CDYL: variants seen among roughly 807,000 people sequenced by gnomAD.
CDYL encodes the protein chromodomain Y-like protein.
In CDYL, 8 loss-of-function variants were observed where a neutral mutation model predicts 47.3. The ratio of observed to expected loss-of-function variants is 0.17; its 90% CI spans 0.10 to 0.31. The LOEUF (loss-of-function observed/expected upper bound fraction) is 0.31. Among genes scored for constraint, CDYL ranks in the 10% least tolerant of loss-of-function variants. The probability of loss-of-function intolerance (pLI) is 1.00; values close to 1 mark genes in which losing one functional copy is unlikely to be tolerated. For synonymous variants in CDYL, 266 were observed against 265.0 expected, an observed-to-expected ratio of 1.00 and a Z score of -0.04; for missense variants, 471 against 701.4, an observed-to-expected ratio of 0.67 and a Z score of 3.71.
chr6:4,844,721 C>T (rs1241266745), intron 1 of CDYL, among the ~76,000 whole-genome samples: 2 of 151,924 alleles, frequency 1.3e-5, no homozygotes, highest in Non-Finnish European at 2.9e-5. Context: ...TGTAAGCCAT[C>T]ATTTTATTAT....
At chr6:4,913,752 C>T (rs969793698) in intron 2 of CDYL, among the ~76,000 whole-genome samples, 6 of 152,222 alleles carry the variant, frequency 3.9e-5, no homozygotes, top group African/African-American at 1.2e-4. Context: ...TGAGGCCAGA[C>T]GGTCTCTACT....
chr6:4,831,045 A>G (rs1760127466), intron 1 of CDYL, among the ~76,000 whole-genome samples: 1 of 152,038 alleles, frequency 6.6e-6, no homozygotes, highest in Admixed American at 6.5e-5. Flanking sequence ...GCTATTGTGA[A>G]TAGTGCCGCA....
intron 2 of CDYL, chr6:4,734,636 G>A (rs1270895421): frequency 9.3e-6 from 12 of 1,290,362 alleles, no homozygotes; most frequent in African/African-American, 3.2e-5. Context: ...TGTTCAGTTA[G>A]ACTCCTAATT....
chr6:4,776,914 T>G, intron 1 of CDYL, 107 bp downstream of exon 1: 5 of 329,862 alleles, frequency 1.5e-5, no homozygotes, highest in East Asian at 2.1e-4. Context: ...CCGCGTCCCC[T>G]CCCCCGCCGC....
chr6:4,843,856 A>G (rs1300470938), intron 1 of CDYL, among the ~76,000 whole-genome samples: 4 of 152,132 alleles, frequency 2.6e-5, no homozygotes, highest in South Asian at 4.2e-4. Flanking sequence ...TTTTGAATCC[A>G]TTGCTGTTGA....
chr6:4,787,733 G>A (rs111289148), intron 1 of CDYL, among the ~76,000 whole-genome samples: 3,885 of 151,130 alleles, frequency 0.026, 84 homozygotes, highest in Non-Finnish European at 0.039. Context: ...CATGCAGGTG[G>A]AGGTGCGGAC....
intron 3 of CDYL, among the ~76,000 whole-genome samples, chr6:4,756,115 C>T (rs1335589462): frequency 6.6e-6 from 1 of 152,086 alleles, no homozygotes; most frequent in African/African-American, 2.4e-5. Context: ...AAATCTCTGC[C>T]CTCTCTTTCT....
At chr6:4,826,272 G>A (rs373615844) in intron 1 of CDYL, among the ~76,000 whole-genome samples, 1 of 151,848 alleles carries the variant, frequency 6.6e-6, no homozygotes, top group South Asian at 2.1e-4. Context: ...TCCAGCTAAT[G>A]GTTTCTCAAT....
At chr6:4,929,400 A>C (rs879688671) in intron 2 of CDYL, among the ~76,000 whole-genome samples, 84 of 144,600 alleles carry the variant, frequency 5.8e-4, no homozygotes, top group Non-Finnish European at 4.1e-4. Context: ...TATTTATCAT[A>C]GTTAGTATTT....
intron 3 of CDYL, among the ~76,000 whole-genome samples, chr6:4,738,079 A>C (rs1231688662): frequency 6.6e-6 from 1 of 152,222 alleles, no homozygotes; most frequent in African/African-American, 2.4e-5. Flanking sequence ...TAATTCACAG[A>C]AGAAACTGCT....
chr6:4,899,049 G>A (rs1048489204), intron 2 of CDYL, among the ~76,000 whole-genome samples: 8 of 152,158 alleles, frequency 5.3e-5, no homozygotes, highest in African/African-American at 1.9e-4. Context: ...TACAGCCCTA[G>A]CCTTTTTGAT....
At chr6:4,894,881 ATGTGTGTGTATATATACACACGTACG>A (rs1762157578) in intron 2 of CDYL, among the ~76,000 whole-genome samples, 2 of 140,408 alleles carry the variant, frequency 1.4e-5, no homozygotes, top group African/African-American at 6.1e-5. Flanking sequence ...ACACATGTGT[ATGTGTGTGTATATATACACACGTACG>A]TGTGTATATA....
chr6:4,921,406 C>T (rs1757713567), intron 2 of CDYL, among the ~76,000 whole-genome samples: 5 of 152,160 alleles, frequency 3.3e-5, no homozygotes, highest in East Asian at 1.9e-4. Flanking sequence ...GACTCTAGTT[C>T]GAAGTCCTTA....
intron 1 of CDYL, among the ~76,000 whole-genome samples, chr6:4,843,957 A>G (rs1409800330): frequency 6.6e-6 from 1 of 152,134 alleles, no homozygotes; most frequent in Non-Finnish European, 1.5e-5. Context: ...TGGGTATACT[A>G]TGTCAGAGGG....
intron 3 of CDYL, among the ~76,000 whole-genome samples, chr6:4,754,159 G>A (rs561965957): frequency 6.6e-6 from 1 of 152,204 alleles, no homozygotes; most frequent in East Asian, 1.9e-4. Flanking sequence ...AATCAATTTT[G>A]ATTACTTCAT....
chr6:4,927,148 T>C (rs1757899246), intron 2 of CDYL, among the ~76,000 whole-genome samples: 1 of 152,240 alleles, frequency 6.6e-6, no homozygotes, highest in Non-Finnish European at 1.5e-5. Flanking sequence ...AAAGTAAAGC[T>C]GTTTGAATAC....
chr6:4,752,836 A>ATGTGTGTGTGTGTGTGTGTGTGTGTG lies in CDYL; in HGVS notation c.186+18013_186+18014insGTGTGTGTGTGTGTGTGTGTGTGTGT, dbSNP rs35686534. 1.5e-3 allele frequency among the ~76,000 whole-genome samples: 227 copies of ATGTGTGTGTGTGTGTGTGTGTGTGTG among 148,844 alleles called. 2 individuals are homozygous for ATGTGTGTGTGTGTGTGTGTGTGTGTG. The East Asian group carries it at 0.027, about 18-fold the overall frequency. On this transcript the variant is annotated intron_variant, in intron 3 of 8. Coordinates refer to the CDYL transcript ENST00000328908. Reference sequence around the variant, plus strand: ...TCTTTCATGTCTGCAAAGGAAAATAATGTGTGTGTGTGTGTGTGTGTTTGT... The same window carrying ATGTGTGTGTGTGTGTGTGTGTGTGTG: ...TCTTTCATGTCTGCAAAGGAAAATAATGTGTGTGTGTGTGTGTGTGTGTGTGTGTGTGTGTGTGTGTGTGTGTTTGT...
At chr6:4,807,986 G>T (rs1010805172) in intron 1 of CDYL, among the ~76,000 whole-genome samples, 1 of 151,844 alleles carries the variant, frequency 6.6e-6, no homozygotes, top group Non-Finnish European at 1.5e-5. Flanking sequence ...TACTCAGATT[G>T]TCGTAGCTTT....
At chr6:4,724,027 T>C (rs1757430233) in intron 2 of CDYL, among the ~76,000 whole-genome samples, 2 of 152,204 alleles carry the variant, frequency 1.3e-5, no homozygotes, top group South Asian at 4.1e-4. Context: ...GTTTGAGTCC[T>C]GCATCTGTCC....
Sources: gnomAD v4.1 joint callset for allele counts (sites outside exome capture counted in the v4.1 genomes callset) on GRCh38, gnomAD v4.1.1 for gene constraint, MANE v1.5 for transcripts, NCBI Gene and HGNC (gene_info 2026-07-23, HGNC 2026-07-21) for gene names.